The following MRPS23 variants were observed in gnomAD, a reference collection of about 807,000 sequenced individuals.
MRPS23 encodes the protein mitochondrial ribosomal protein S23.
Under a neutral mutation model 19.8 loss-of-function variants are expected in MRPS23, and 14 were observed. That is an observed-to-expected ratio of 0.71 (90% CI 0.47 to 1.11). The LOEUF is 1.11. MRPS23 is among the 50% of genes least tolerant of loss of function. The pLI is 0.00. For synonymous variants in MRPS23, 113 were observed against 89.7 expected (o/e 1.26, Z -1.47); for missense variants, 242 against 236.7 (o/e 1.02, Z -0.15).
rs941624314 is a variant in MRPS23, at chr17:57,849,968, G to A, written c.43C>T (p.Arg15Trp). ...RLETVGSIFS[R>W]TRDLVRAGVL... is the part of the protein sequence containing the mutation. ...CCCACCACGGCTGGGAGCACACACCGAGAGAAGATGCTCCCTACGGTTTCC... is the reference window on the plus strand; with the variant it reads ...CCCACCACGGCTGGGAGCACACACCAAGAGAAGATGCTCCCTACGGTTTCC... The change falls in exon 1 of 5, where the codon CGG becomes TGG. Residue 15 changes from arginine to tryptophan, a missense_variant and splice_region_variant. Physicochemically the swap from Arg to Trp is moderately radical, Grantham distance 101. Transcript: ENST00000313608. 6.3e-7 allele frequency: 1 copy of A among 1,588,504 alleles called. No homozygotes were observed. The highest frequency in any genetic ancestry group is 8.5e-7 in the Non-Finnish European group (1 of 1,174,160).
chr17:57,838,289 CAAAAAAAAAAAAAAAAA>C lies in MRPS23; in HGVS notation c.*1477_*1493del, dbSNP rs59289595. 6.8e-5 allele frequency: 2 copies of C among 29,416 alleles called. No homozygotes were observed. Among genetic ancestry groups the C allele is most frequent in the East Asian group, 1.1e-3 (1 of 880 alleles). 1.8% of individuals were successfully genotyped at this position (29,416 alleles called of 1,614,324 possible). A position where few individuals can be genotyped will look rare whatever the true frequency, so the allele number is the denominator to read the frequency against. The stretch of plus-strand genomic sequence containing the variant: ...TGGGAAACAAAGTGATACTCCATCG[CAAAAAAAAAAAAAAAAA>C]AAAAAAAAAAATTAAAAATCTACAG... On this transcript the variant is annotated 3_prime_UTR_variant, in exon 5 of 5. Transcript: ENST00000313608.
At chr17:57,846,453 T>C (rs1251812213) in intron 2 of MRPS23, among the ~76,000 whole-genome samples, 5 of 152,014 alleles carry the variant, frequency 3.3e-5, no homozygotes, top group Admixed American at 6.5e-5. Context: ...ATGATGACGA[T>C]GGGGGTTTTG....
intron 2 of MRPS23, among the ~76,000 whole-genome samples, chr17:57,843,448 C>T (rs1464514934): frequency 1.3e-5 from 2 of 152,036 alleles, no homozygotes; most frequent in African/African-American, 2.4e-5. Flanking sequence ...GTGAACTGTC[C>T]AAGTTCTTTG....
chr17:57,840,381 C>A (rs924511445), intron 4 of MRPS23, among the ~76,000 whole-genome samples: 1 of 111,774 alleles, frequency 8.9e-6, no homozygotes, highest in Non-Finnish European at 1.9e-5. Context: ...AGCGAGACTC[C>A]GTCTCAAAAA....
chr17:57,849,539 C>T, intron 1 of MRPS23, 129 bp from the exon 2 acceptor site: 1 of 1,096,668 alleles, frequency 9.1e-7, no homozygotes, highest in Non-Finnish European at 1.3e-6. Flanking sequence ...AAGGACTGCT[C>T]CCCACCTACA....
chr17:57,840,941 T>TA lies in MRPS23; in HGVS notation c.404dup (p.Gly136ArgfsTer10). 6.2e-7 allele frequency: 1 copy of TA among 1,614,204 alleles called. No individual in the cohort carries two copies. Among genetic ancestry groups the TA allele is most frequent in the Non-Finnish European group, 8.5e-7 (1 of 1,180,032 alleles). ...AAATACTCACAGTCCTTGCTTCGCC[T>TA]ACTCGTCTTAAAATGACACCTTCTG... On this transcript the variant is annotated frameshift_variant, in exon 4 of 5. Coordinates refer to ENST00000313608, the MANE Select transcript of MRPS23 (RefSeq NM_016070.4). LOFTEE classifies it low-confidence loss of function (END_TRUNC).
chr17:57,849,506 G>T, intron 1 of MRPS23, 96 bp from the exon 2 acceptor site: 10 of 1,439,650 alleles, frequency 6.9e-6, no homozygotes, highest in Non-Finnish European at 8.5e-6. Flanking sequence ...AAGGTATTAT[G>T]CGGTCTGCAA....
rs544304440 is a variant in MRPS23, at chr17:57,836,023, C to T, written c.*3760G>A. 7.9e-4 allele frequency: 118 copies of T among 149,148 alleles called. No individual in the cohort carries two copies. Among genetic ancestry groups the T allele is most frequent in the African/African-American group, 2.4e-3 (95 of 40,310 alleles). 9.2% of individuals were successfully genotyped at this position (149,148 alleles called of 1,614,324 possible). On this transcript the variant is annotated 3_prime_UTR_variant, in exon 5 of 5. Transcript: ENST00000313608. Reference sequence around the variant, plus strand: ...AGGCTGGGGTGCTGTAGCATGATCTCAGCTCACTGTAACCTCCACCTCCTG... The same window carrying T: ...AGGCTGGGGTGCTGTAGCATGATCTTAGCTCACTGTAACCTCCACCTCCTG...
In MRPS23 at chr17:57,839,657, T is replaced by TG; in HGVS notation, c.*125_*126insC. On this transcript the variant is annotated 3_prime_UTR_variant, in exon 5 of 5. Coordinates refer to ENST00000313608, the MANE Select transcript of MRPS23 (RefSeq NM_016070.4). ...AGCTTTGTGACAACCCAGAAATAAC[T>TG]AAGAGAAGGCAAACATAATACCTTA... 8.1e-7 allele frequency: 1 copy of TG among 1,235,676 alleles called. No individual in the cohort carries two copies. Among genetic ancestry groups the TG allele is most frequent in the Non-Finnish European group, 1.1e-6 (1 of 911,368 alleles). The allele number at this position is 1,235,676 out of a possible 1,614,324, so 76.5% of individuals were successfully genotyped here.
chr17:57,839,666 G>A lies in MRPS23; in HGVS notation c.*117C>T. 7.8e-7 allele frequency: 1 copy of A among 1,281,394 alleles called. No individual in the cohort carries two copies. The highest frequency in any genetic ancestry group is 1.1e-6 in the Non-Finnish European group (1 of 951,312). The allele number at this position is 1,281,394 out of a possible 1,614,324, so 79.4% of individuals were successfully genotyped here. On this transcript the variant is annotated 3_prime_UTR_variant, in exon 5 of 5. Coordinates refer to ENST00000313608, the MANE Select transcript of MRPS23 (RefSeq NM_016070.4). Reference sequence around the variant, plus strand: ...ACAACCCAGAAATAACTAAGAGAAGGCAAACATAATACCTTAGAGATCAAG... The same window carrying A: ...ACAACCCAGAAATAACTAAGAGAAGACAAACATAATACCTTAGAGATCAAG...
rs2073727438 is a variant in MRPS23, at chr17:57,839,558, G to A, written c.*225C>T. The A allele has an allele frequency of 2.5e-6, 1 of 399,736 alleles. No individual in the cohort carries two copies. Among genetic ancestry groups the A allele is most frequent in the African/African-American group, 2.0e-5 (1 of 49,480 alleles). 24.8% of individuals were successfully genotyped at this position (399,736 alleles called of 1,614,324 possible). ...TCAAAGTAAATTTACTTTATAAGCA[G>A]CTAGGGAATTCTTTATTTAGTAATG... On this transcript the variant is annotated 3_prime_UTR_variant, in exon 5 of 5. Transcript: ENST00000313608.
intron 2 of MRPS23, among the ~76,000 whole-genome samples, chr17:57,843,550 G>C (rs1324769620): frequency 2.0e-5 from 3 of 152,170 alleles, no homozygotes; most frequent in Admixed American, 1.3e-4. Context: ...ATGGTATTTA[G>C]AGATGGAGGC....
intron 2 of MRPS23, among the ~76,000 whole-genome samples, chr17:57,844,052 G>C (rs1028008920): frequency 1.1e-4 from 16 of 150,312 alleles, no homozygotes; most frequent in Admixed American, 4.0e-4. Flanking sequence ...GTACTGTTAT[G>C]ATCTCACTTT....
intron 2 of MRPS23, among the ~76,000 whole-genome samples, chr17:57,841,756 T>C (rs1056319352): frequency 1.3e-5 from 2 of 151,584 alleles, no homozygotes; most frequent in South Asian, 2.1e-4. Context: ...CAACTGGGAG[T>C]TCAGCATGGT....
intron 1 of MRPS23, 86 bp from the exon 2 acceptor site, chr17:57,849,496 A>G: frequency 6.7e-7 from 1 of 1,501,266 alleles, no homozygotes; most frequent in Non-Finnish European, 9.0e-7. Context: ...TGGGACATTA[A>G]AGGTATTATG....
chr17:57,849,340 G>C lies in MRPS23; in HGVS notation c.115C>G (p.Pro39Ala). Reference protein sequence around the residue: ...PLWFDVYDAFPPLREPVFQRP... With the variant: ...PLWFDVYDAFAPLREPVFQRP... ...TGGAAGACGGGCTCCCTCAGCGGGGGAAAGGCGTCATATACGTCAAACCAC... is the reference window on the plus strand; with the variant it reads ...TGGAAGACGGGCTCCCTCAGCGGGGCAAAGGCGTCATATACGTCAAACCAC... The change falls in exon 2 of 5, where the codon CCC becomes GCC. Residue 39 changes from proline to alanine, a missense_variant. Pro to Ala is a conservative substitution (Grantham distance 27). Coordinates refer to ENST00000313608, the MANE Select transcript of MRPS23 (RefSeq NM_016070.4). The C allele has an allele frequency of 6.2e-7, 1 of 1,614,180 alleles. No homozygotes were observed.
intron 1 of MRPS23, 180 bp downstream of exon 1, chr17:57,849,787 C>A: frequency 1.4e-6 from 1 of 709,802 alleles, no homozygotes; most frequent in South Asian, 2.0e-5. Context: ...CAAGGAGAGG[C>A]ATCCTCAGGC....
chr17:57,849,825 T>C, intron 1 of MRPS23, 142 bp downstream of exon 1: 1 of 965,908 alleles, frequency 1.0e-6, no homozygotes, highest in Non-Finnish European at 1.5e-6. Context: ...GGAGAAAACA[T>C]GAGAGGGCCT....
chr17:57,849,299 T>C lies in MRPS23; in HGVS notation c.156A>G (p.Arg52=). The change falls in exon 2 of 5, where the codon CGA becomes CGG. Residue 52 remains arginine (R), a synonymous_variant. Coordinates refer to ENST00000313608, the MANE Select transcript of MRPS23 (RefSeq NM_016070.4). The stretch of plus-strand genomic sequence containing the variant: ...GGATGGGAGCTTTGGCTTTGCCATA[T>C]CGCACTCGAGGCCTTTGGAAGACGG... ...REPVFQRPRV[R]YGKAKAPIQD... 2 of 1,614,242 alleles carry C rather than the reference T, an allele frequency of 1.2e-6. No individual in the cohort carries two copies. Among genetic ancestry groups the C allele is most frequent in the South Asian group, 1.1e-5 (1 of 91,090 alleles).
Sources: allele counts gnomAD v4.1 joint callset (sites outside exome capture counted in the v4.1 genomes callset), GRCh38; gene constraint gnomAD v4.1.1; transcripts MANE v1.5; gene names NCBI Gene and HGNC (gene_info 2026-07-23, HGNC 2026-07-21).